The following OMA1 variants were observed in gnomAD, a reference collection of about 807,000 sequenced individuals.
OMA1 encodes metalloendopeptidase OMA1, mitochondrial.
In OMA1, 38 loss-of-function variants were observed where a neutral mutation model predicts 30.9. That is an observed-to-expected ratio of 1.23 (90% CI 0.95 to 1.61). OMA1 has a LOEUF of 1.61. Among genes scored for constraint, OMA1 ranks in the 40% most tolerant of loss-of-function variants. OMA1 has a pLI of 0.00. For synonymous variants in OMA1, 173 were observed against 121.9 expected, an observed-to-expected ratio of 1.42 and a Z score of -2.76; for missense variants, 461 against 349.2, an observed-to-expected ratio of 1.32 and a Z score of -2.55.
chr1:58,494,158 G>A (rs1406897024), intron 8 of OMA1, among the ~76,000 whole-genome samples: 1 of 152,214 alleles, frequency 6.6e-6, no homozygotes, highest in Non-Finnish European at 1.5e-5. Context: ...ACAAAAATAA[G>A]AAATGGGGAA....
intron 1 of OMA1, among the ~76,000 whole-genome samples, chr1:58,542,982 A>T (rs1225389262): frequency 1.4e-5 from 1 of 69,326 alleles, no homozygotes; most frequent in Non-Finnish European, 3.5e-5. Flanking sequence ...ACAAACAAAA[A>T]GCTTTTTTAA....
At chr1:58,539,781 T>C (rs1355240208) in intron 1 of OMA1, among the ~76,000 whole-genome samples, 3 of 152,152 alleles carry the variant, frequency 2.0e-5, no homozygotes, top group African/African-American at 7.2e-5. Flanking sequence ...TCCTAGCTTA[T>C]TGCCTGGAGA....
chr1:58,515,077 CT>C (rs1237368444), intron 7 of OMA1, among the ~76,000 whole-genome samples: 16 of 152,172 alleles, frequency 1.1e-4, no homozygotes, highest in Admixed American at 7.2e-4. Flanking sequence ...TCATTTCAGT[CT>C]CACATACCTC....
Position 58,530,637 on chromosome 1 carries a change from TGCCAAGCTATCTCGAGGACAAATG to T in OMA1, c.1080_1103del (p.Ile361_Ala368del). On this transcript the variant is annotated inframe_deletion, in exon 6 of 9. Transcript: ENST00000371226. ...TAGACTGTATCCACTGGCACAAAAGTGCCAAGCTATCTCGAGGACAAATGGCCCAAATCATTGTGAGGAAAATCA... is the reference window on the plus strand; with the variant it reads ...TAGACTGTATCCACTGGCACAAAAGTGCCCAAATCATTGTGAGGAAAATCA... 1 of 872,784 alleles carries T rather than the reference TGCCAAGCTATCTCGAGGACAAATG, an allele frequency of 1.1e-6. No individual in the cohort carries two copies. Among genetic ancestry groups the T allele is most frequent in the South Asian group, 1.3e-5 (1 of 76,530 alleles). The allele number at this position is 872,784 out of a possible 1,614,324, so 54.1% of individuals were successfully genotyped here. A position where few individuals can be genotyped will look rare whatever the true frequency, so the allele number is the denominator to read the frequency against.
In OMA1 at chr1:58,539,033, T is replaced by G; in HGVS notation, c.262A>C (p.Lys88Gln). Residue 88 changes from lysine (K) to glutamine (Q), a missense_variant, in exon 2 of 9, where the codon AAG (lysine) becomes CAG (glutamine). By Grantham distance (53) the Lys-to-Gln change is moderately conservative. Coordinates refer to ENST00000371226, the MANE Select transcript of OMA1 (RefSeq NM_145243.5). ...RTGGLSSTKS[K>Q]EIWRITSKCT... ...TTGCTGGTAATCCTCCAAATTTCCT[T>G]ACTTTTGGTACTTGAGAGGCCTCCT... The G allele has an allele frequency of 1.1e-6, 1 of 872,852 alleles. No individual in the cohort carries two copies. Among genetic ancestry groups the G allele is most frequent in the Non-Finnish European group, 2.0e-6 (1 of 501,624 alleles). 54.1% of individuals were successfully genotyped at this position (872,852 alleles called of 1,614,324 possible). A position where few individuals can be genotyped will look rare whatever the true frequency, so the allele number is the denominator to read the frequency against.
chr1:58,537,657 T>C (rs1646538554), intron 2 of OMA1, among the ~76,000 whole-genome samples: 1 of 152,208 alleles, frequency 6.6e-6, no homozygotes, highest in Non-Finnish European at 1.5e-5. Flanking sequence ...ATTTACCATA[T>C]ATACATCATT....
chr1:58,544,926 A>T (rs1646677133), intron 1 of OMA1, among the ~76,000 whole-genome samples: 1 of 152,002 alleles, frequency 6.6e-6, no homozygotes, highest in South Asian at 2.1e-4. Flanking sequence ...TTTTCTGTAG[A>T]CACGGTGTGT....
intron 7 of OMA1, among the ~76,000 whole-genome samples, chr1:58,525,326 G>A (rs1646332608): frequency 6.9e-6 from 1 of 144,510 alleles, no homozygotes; most frequent in African/African-American, 2.6e-5. Context: ...CTATGTATAA[G>A]TGGATCTACA....
intron 8 of OMA1, among the ~76,000 whole-genome samples, chr1:58,491,511 A>G (rs1291189148): frequency 1.3e-5 from 2 of 152,206 alleles, no homozygotes; most frequent in African/African-American, 4.8e-5. Flanking sequence ...TGCTGTATTC[A>G]GGAAACCCAT....
At chr1:58,518,744 A>C (rs1217622268) in intron 7 of OMA1, among the ~76,000 whole-genome samples, 1 of 152,190 alleles carries the variant, frequency 6.6e-6, no homozygotes, top group Non-Finnish European at 1.5e-5. Context: ...GGAGAAATTA[A>C]GAATTTAATA....
chr1:58,500,974 A>G (rs180730726), intron 8 of OMA1, among the ~76,000 whole-genome samples: 253 of 152,336 alleles, frequency 1.7e-3, no homozygotes, highest in Non-Finnish European at 2.4e-3. Flanking sequence ...CAGTGTAACT[A>G]TAATTTTAAA....
rs1216559448 is a variant in OMA1 at position 58,518,307 on chromosome 1, A to G, written c.1215+8954T>C. ...AGAGAAGAGAAGAGAAGAGAAGAGA[A>G]GAGAAGAGAAGAGAAGAGAAGAGAA... On this transcript the variant is annotated intron_variant, in intron 7 of 8. Transcript: ENST00000371226. Among the ~76,000 whole-genome samples the G allele has an allele frequency of 4.7e-4, 40 of 85,780 alleles. 1 individual carries two copies. The highest frequency in any genetic ancestry group is 0.011 in the Middle Eastern group (2 of 178). 56.3% of individuals were successfully genotyped at this position (85,780 alleles called of 152,430 possible).
intron 8 of OMA1, among the ~76,000 whole-genome samples, chr1:58,499,466 CA>C (rs1367337763): frequency 2.4e-5 from 2 of 82,862 alleles, no homozygotes; most frequent in East Asian, 3.5e-4. Flanking sequence ...GCCTAGGGAA[CA>C]AAGCCAGACT....
chr1:58,481,112 T>A lies in OMA1; in HGVS notation c.1428A>T (p.Leu476=). Residue 476 remains leucine (L), a synonymous_variant, in exon 9 of 9, where the codon CTA becomes CTT. Transcript: ENST00000371226. ...GAAAATGCTTCGTGCTGAGTTTGAA[T>A]AGTAATCGAGGGTCTGGATTAGACA... ...PPLSNPDPRL[L]FKLSTKHFLE... is the part of the protein sequence containing the mutation. 1 of 871,968 alleles carries A rather than the reference T, an allele frequency of 1.1e-6. No individual in the cohort carries two copies. Among genetic ancestry groups the A allele is most frequent in the South Asian group, 1.3e-5 (1 of 76,506 alleles). 54.0% of individuals were successfully genotyped at this position (871,968 alleles called of 1,614,324 possible).
rs751867181 is a variant in OMA1 at position 58,533,945 on chromosome 1, G to C, written c.1011+8C>G. On this transcript the variant is annotated splice_region_variant and intron_variant, in intron 5 of 8. Transcript: ENST00000371226. The stretch of plus-strand genomic sequence containing the variant: ...TTCCAAACCTGAACATTCATTTTAG[G>C]TACTTACAGCATGCCCAAGTACTGC... The C allele has an allele frequency of 2.3e-6, 2 of 870,670 alleles. No individual in the cohort carries two copies. Among genetic ancestry groups the C allele is most frequent in the South Asian group, 2.6e-5 (2 of 76,262 alleles). 53.9% of individuals were successfully genotyped at this position (870,670 alleles called of 1,614,324 possible).
intron 5 of OMA1, among the ~76,000 whole-genome samples, chr1:58,531,150 T>C (rs888702107): frequency 6.6e-6 from 1 of 152,190 alleles, no homozygotes. Flanking sequence ...TTAATATAGT[T>C]GCATCATTTT....
At chr1:58,489,263 C>T (rs547393622) in intron 8 of OMA1, among the ~76,000 whole-genome samples, 12 of 152,296 alleles carry the variant, frequency 7.9e-5, no homozygotes, top group Admixed American at 3.3e-4. Flanking sequence ...AATTTTCCGA[C>T]GGTCTTAGCA....
At chr1:58,518,084 G>A (rs559190006) in intron 7 of OMA1, among the ~76,000 whole-genome samples, 3 of 151,218 alleles carry the variant, frequency 2.0e-5, no homozygotes, top group African/African-American at 7.3e-5. Context: ...TACTCAGGAG[G>A]CTGAGGCAGG....
intron 8 of OMA1, among the ~76,000 whole-genome samples, chr1:58,501,751 G>GTGT (rs1645909872): frequency 6.6e-6 from 1 of 152,094 alleles, no homozygotes; most frequent in South Asian, 2.1e-4. Flanking sequence ...AAGGACTCAT[G>GTGT]TGTTCCTCTA....
Sources: allele counts gnomAD v4.1 joint callset (sites outside exome capture counted in the v4.1 genomes callset), GRCh38; gene constraint gnomAD v4.1.1; transcripts MANE v1.5; gene names NCBI Gene and HGNC (gene_info 2026-07-23, HGNC 2026-07-21).